Variants in ITPR2 observed in about 807,000 individuals in gnomAD.
The protein encoded by ITPR2 is inositol 1,4,5-trisphosphate-gated calcium channel ITPR2.
Under a neutral mutation model 317.1 loss-of-function variants are expected in ITPR2, and 207 were observed. The observed-to-expected ratio is 0.65, with a 90% confidence interval of 0.58 to 0.73. The LOEUF is 0.73. Among genes scored for constraint, ITPR2 ranks in the 30% least tolerant of loss-of-function variants. The pLI, the probability that ITPR2 is intolerant of heterozygous loss-of-function variation, is 0.00. For missense variants in ITPR2, 2,613 were observed against 3,284.0 expected, an observed-to-expected ratio of 0.80 and a Z score of 4.99; for synonymous variants, 1,156 against 1,149.1, an observed-to-expected ratio of 1.01 and a Z score of -0.12.
At chr12:26,457,186 G>A (rs1941910952) in intron 45 of ITPR2, among the ~76,000 whole-genome samples, 1 of 152,152 alleles carries the variant, frequency 6.6e-6, no homozygotes, top group Admixed American at 6.5e-5. Flanking sequence ...AATGAGCACT[G>A]GGGGATGGAG....
intron 54 of ITPR2, among the ~76,000 whole-genome samples, chr12:26,396,496 C>G (rs753573331): frequency 6.6e-6 from 1 of 152,148 alleles, no homozygotes; most frequent in East Asian, 1.9e-4. Flanking sequence ...CCACCCCTTC[C>G]TGCTTCTCCT....
At chr12:26,625,774 C>T (rs1946609480) in intron 23 of ITPR2, among the ~76,000 whole-genome samples, 1 of 152,002 alleles carries the variant, frequency 6.6e-6, no homozygotes, top group South Asian at 2.1e-4. Context: ...ATACAATTAG[C>T]CTTGTTATTA....
chr12:26,509,333 C>A (rs962152499), intron 37 of ITPR2, among the ~76,000 whole-genome samples: 1 of 152,164 alleles, frequency 6.6e-6, no homozygotes, highest in African/African-American at 2.4e-5. Flanking sequence ...GGTTGTAAAT[C>A]TGTAAATAAA....
rs201250728 is a variant in ITPR2 at position 26,751,474 on chromosome 12, G to A, written c.164-25709C>T. Among the ~76,000 whole-genome samples, 13 of 152,226 alleles carry A rather than the reference G, an allele frequency of 8.5e-5. No homozygotes were observed. The South Asian group carries it at 2.7e-3, about 32-fold the overall frequency. ...CCTTGAGGCCCAGGTCAGGGGGAACGAGATCAATTCATATTCTTTTTATTA... is the reference window on the plus strand; with the variant it reads ...CCTTGAGGCCCAGGTCAGGGGGAACAAGATCAATTCATATTCTTTTTATTA... On this transcript the variant is annotated intron_variant, in intron 2 of 56. Transcript: ENST00000381340.
At chr12:26,372,983 A>G (rs1939230184) in intron 55 of ITPR2, among the ~76,000 whole-genome samples, 1 of 152,160 alleles carries the variant, frequency 6.6e-6, no homozygotes, top group Admixed American at 6.5e-5. Flanking sequence ...GTCTGTCCAT[A>G]ATCAGTGTTG....
chr12:26,440,229 C>A (rs1177972502), intron 46 of ITPR2, among the ~76,000 whole-genome samples: 1 of 152,162 alleles, frequency 6.6e-6, no homozygotes, highest in Non-Finnish European at 1.5e-5. Flanking sequence ...ACAACAACAA[C>A]AACAACAACA....
intron 1 of ITPR2, among the ~76,000 whole-genome samples, chr12:26,818,785 C>A (rs774700426): frequency 3.3e-5 from 5 of 152,000 alleles, no homozygotes; most frequent in African/African-American, 7.2e-5. Context: ...AAGATCTACC[C>A]GAAATGCAAA....
intron 55 of ITPR2, among the ~76,000 whole-genome samples, 173 bp downstream of exon 55, chr12:26,387,261 G>A (rs1426723673): frequency 2.0e-5 from 3 of 152,158 alleles, no homozygotes; most frequent in Non-Finnish European, 4.4e-5. Flanking sequence ...GGAGTCTACT[G>A]GGAACCAATG....
At chr12:26,515,796 G>C (rs924329296) in intron 37 of ITPR2, among the ~76,000 whole-genome samples, 2 of 151,692 alleles carry the variant, frequency 1.3e-5, no homozygotes, top group African/African-American at 4.8e-5. Context: ...TCAGAATTAG[G>C]GGGAGAAAAG....
At chr12:26,744,469 C>A (rs1054319373) in intron 2 of ITPR2, among the ~76,000 whole-genome samples, 1 of 152,228 alleles carries the variant, frequency 6.6e-6, no homozygotes, top group African/African-American at 2.4e-5. Flanking sequence ...CCTGGCACTG[C>A]AAACACAGCA....
intron 13 of ITPR2, among the ~76,000 whole-genome samples, chr12:26,669,211 A>C (rs936457375): frequency 6.6e-6 from 1 of 151,884 alleles, no homozygotes; most frequent in African/African-American, 2.4e-5. Flanking sequence ...AATATTATTA[A>C]TCTATAAGGC....
Position 26,663,716 on chromosome 12 carries a change from C to T in ITPR2, c.1682G>A (p.Arg561Lys). 6.2e-7 allele frequency: 1 copy of T among 1,612,820 alleles called. No individual in the cohort carries two copies. The highest frequency in any genetic ancestry group is 8.5e-7 in the Non-Finnish European group (1 of 1,179,682). Reference sequence around the variant, plus strand: ...TTTCCGGTAATCCTGCTGCGAGTGTCTCAGGACGCGGTAACAGAGCCGCAG... The same window carrying T: ...TTTCCGGTAATCCTGCTGCGAGTGTTTCAGGACGCGGTAACAGAGCCGCAG... ...YMLRLCYRVLRHSQQDYRKNQ... is the reference protein window; with the variant it reads ...YMLRLCYRVLKHSQQDYRKNQ... The change falls in exon 15 of 57, where the codon AGA (arginine) becomes AAA (lysine). Residue 561 changes from arginine (R) to lysine (K), a missense_variant. Transcript: ENST00000381340.
chr12:26,658,295 A>G (rs1398401072), intron 16 of ITPR2, among the ~76,000 whole-genome samples, 165 bp from the exon 17 acceptor site: 2 of 152,264 alleles, frequency 1.3e-5, no homozygotes, highest in Non-Finnish European at 2.9e-5. Flanking sequence ...GCATCATTAG[A>G]AACAAATTAA....
At chr12:26,415,618 C>T (rs12368140) in intron 50 of ITPR2, 120 bp from the exon 51 acceptor site, 272,849 of 589,908 alleles carry the variant, frequency 0.46, 68,485 homozygotes, top group Non-Finnish European at 0.53. Context: ...AAGAAATAAC[C>T]TAAACCACCT....
intron 45 of ITPR2, among the ~76,000 whole-genome samples, chr12:26,448,530 T>A (rs543921459): frequency 6.6e-6 from 1 of 152,292 alleles, no homozygotes; most frequent in South Asian, 2.1e-4. Flanking sequence ...AGGTCATTAT[T>A]GCAAATAGAA....
intron 55 of ITPR2, among the ~76,000 whole-genome samples, chr12:26,360,822 C>T (rs1490677593): frequency 6.6e-6 from 1 of 152,114 alleles, no homozygotes; most frequent in Non-Finnish European, 1.5e-5. Flanking sequence ...GACATCTTTG[C>T]ATGGTCATTA....
At chr12:26,783,385 C>A (rs1410282613) in intron 2 of ITPR2, among the ~76,000 whole-genome samples, 2 of 152,214 alleles carry the variant, frequency 1.3e-5, no homozygotes, top group Non-Finnish European at 2.9e-5. Flanking sequence ...AAGTGGCTGT[C>A]TTCTCTTCCC....
At chr12:26,734,436 A>G (rs928150101) in intron 2 of ITPR2, among the ~76,000 whole-genome samples, 1 of 152,218 alleles carries the variant, frequency 6.6e-6, no homozygotes, top group African/African-American at 2.4e-5. Flanking sequence ...AAACACCTGT[A>G]ACTATCAATA....
chr12:26,729,059 G>T (rs775403768), intron 2 of ITPR2, among the ~76,000 whole-genome samples: 10 of 152,020 alleles, frequency 6.6e-5, no homozygotes, highest in Non-Finnish European at 1.5e-4. Context: ...TTAGATCCCA[G>T]TTGTCAATTT....
Sources: allele counts gnomAD v4.1 joint callset (sites outside exome capture counted in the v4.1 genomes callset), GRCh38; gene constraint gnomAD v4.1.1; transcripts MANE v1.5; gene names NCBI Gene and HGNC (gene_info 2026-07-23, HGNC 2026-07-21).